The following ANXA6 variants were observed in gnomAD, a reference collection of about 807,000 sequenced individuals.
The protein encoded by ANXA6 is annexin A6.
A neutral mutation model predicts 95.4 loss-of-function variants in ANXA6; 71 were observed. The ratio of observed to expected loss-of-function variants is 0.74; its 90% CI spans 0.61 to 0.91. ANXA6 has a LOEUF of 0.91. ANXA6 is among the 40% of genes least tolerant of loss of function. The pLI is 0.00. For synonymous variants in ANXA6, 289 were observed against 315.9 expected, an observed-to-expected ratio of 0.91 and a Z score of 0.90; for missense variants, 830 against 876.4, an observed-to-expected ratio of 0.95 and a Z score of 0.67.
chr5:151,154,109 C>T (rs1328595384), intron 1 of ANXA6, among the ~76,000 whole-genome samples: 1 of 151,912 alleles, frequency 6.6e-6, no homozygotes, highest in African/African-American at 2.4e-5. Context: ...GAGGTTAAGT[C>T]ACTTACCCAA....
intron 24 of ANXA6, 110 bp from the exon 25 acceptor site, chr5:151,103,802 AGGG>A: frequency 7.6e-7 from 1 of 1,310,020 alleles, no homozygotes. Flanking sequence ...TTCCAAAAAC[AGGG>A]CGGATGTTCC....
At chr5:151,138,932 A>G in intron 4 of ANXA6, 141 bp from the exon 5 acceptor site, 1 of 657,574 alleles carries the variant, frequency 1.5e-6, no homozygotes, top group East Asian at 2.7e-5. Context: ...GGAGGTATGT[A>G]CTGTTACCAA....
rs192345606 is a variant in ANXA6 at position 151,138,703 on chromosome 5, G to C, written c.293C>G (p.Ala98Gly). The change falls in exon 5 of 26, where the codon GCC (alanine) becomes GGC (glycine). Residue 98 changes from alanine to glycine, a missense_variant. By Grantham distance (60) the Ala-to-Gly change is moderately conservative (BLOSUM62 0). Transcript: ENST00000354546. The part of the protein sequence containing the change: ...GLMRPPAYCD[A>G]KEIKDAISGI... Reference sequence around the variant, plus strand: ...CGAGATGGCATCTTTAATTTCTTTGGCATCACAATAGGCAGGTGGCCTCAT... The same window carrying C: ...CGAGATGGCATCTTTAATTTCTTTGCCATCACAATAGGCAGGTGGCCTCAT... 2 of 1,613,462 alleles carry C rather than the reference G, an allele frequency of 1.2e-6. No homozygotes were observed. The highest frequency in any genetic ancestry group is 3.3e-5 in the Admixed American group (2 of 59,982).
At chr5:151,108,965 C>A (rs887441959) in intron 22 of ANXA6, among the ~76,000 whole-genome samples, 1 of 152,206 alleles carries the variant, frequency 6.6e-6, no homozygotes, top group African/African-American at 2.4e-5. Flanking sequence ...AATGATAACA[C>A]TCAGGAAACA....
At chr5:151,136,560 C>A (rs924970233) in intron 6 of ANXA6, among the ~76,000 whole-genome samples, 6 of 152,230 alleles carry the variant, frequency 3.9e-5, no homozygotes, top group Non-Finnish European at 5.9e-5. Flanking sequence ...TATACCATGA[C>A]GGCCCACCTG....
intron 13 of ANXA6, among the ~76,000 whole-genome samples, 163 bp downstream of exon 13, chr5:151,128,018 A>G (rs1164542590): frequency 6.6e-6 from 1 of 152,086 alleles, no homozygotes; most frequent in Non-Finnish European, 1.5e-5. Flanking sequence ...CAGACCCACA[A>G]GCACAGCAGC....
At position 151,124,326 on chromosome 5, in the gene ANXA6, G is replaced by A. The variant is rs550907524; in HGVS notation, c.1098C>T (p.Asp366=). 1.7e-5 allele frequency: 28 copies of A among 1,613,458 alleles called. 1 individual carries two copies. The highest frequency in any genetic ancestry group is 1.6e-4 in the Middle Eastern group (1 of 6,062). The change falls in exon 15 of 26, where the codon GAC becomes GAT. Residue 366 remains aspartate (D), a synonymous_variant. Transcript: ENST00000354546. The part of the protein sequence containing the change: ...TVRPANDFNP[D]ADAKALRKAM... ...CTTTCCGCAGCGCTTTGGCATCTGCGTCAGGGTTGAAGTCATTGGCTGGGC... is the reference window on the plus strand; with the variant it reads ...CTTTCCGCAGCGCTTTGGCATCTGCATCAGGGTTGAAGTCATTGGCTGGGC...
At chr5:151,140,605 T>TATATATATATATATATATA (rs1561583202) in intron 2 of ANXA6, 2 of 144,322 alleles carry the variant, frequency 1.4e-5, no homozygotes, top group African/African-American at 5.2e-5. Context: ...TATATATATA[T>TATATATATATATATATATA]TTTAAGAGAT....
intron 13 of ANXA6, among the ~76,000 whole-genome samples, chr5:151,127,372 A>G (rs1016133948): frequency 1.3e-5 from 2 of 152,258 alleles, no homozygotes; most frequent in African/African-American, 2.4e-5. Flanking sequence ...AATCTGGTCA[A>G]GTAATGTCCC....
chr5:151,140,594 A>ATATATATATATATATATATT (rs201589041), intron 2 of ANXA6: 150 of 141,624 alleles, frequency 1.1e-3, no homozygotes, highest in Admixed American at 3.4e-3. Flanking sequence ...ATATATATAT[A>ATATATATATATATATATATT]TATATATATA....
At position 151,101,035 on chromosome 5, in the gene ANXA6, A is replaced by G; in HGVS notation, c.*413T>C. On this transcript the variant is annotated 3_prime_UTR_variant, in exon 26 of 26. Coordinates refer to ENST00000354546, the MANE Select transcript of ANXA6 (RefSeq NM_001155.5). ...CCCCAGCACATTTACTATCCTTCCC[A>G]CCACCCCGCCCAGCACATTCAACTG... is the stretch of plus-strand genomic sequence containing the variant. The G allele has an allele frequency of 2.1e-6, 1 of 466,246 alleles. No homozygotes were observed. The highest frequency in any genetic ancestry group is 1.5e-5 in the South Asian group (1 of 64,642). 28.9% of individuals were successfully genotyped at this position (466,246 alleles called of 1,614,324 possible).
Position 151,123,024 on chromosome 5 carries a change from A to G in ANXA6, c.1139-13T>C. On this transcript the variant is annotated splice_polypyrimidine_tract_variant and intron_variant, in intron 15 of 25. Transcript: ENST00000354546. ...TCTTCGTCAGTCCCTGAGTCACCAA[A>G]GCCACATGCCTCAGAAGAAGGCCTG... 6.2e-7 allele frequency: 1 copy of G among 1,611,388 alleles called. No homozygotes were observed. The highest frequency in any genetic ancestry group is 8.5e-7 in the Non-Finnish European group (1 of 1,178,524).
rs1214099192 is a variant in ANXA6 at position 151,134,474 on chromosome 5, C to T, written c.499G>A (p.Glu167Lys). 1 of 1,614,034 alleles carries T rather than the reference C, an allele frequency of 6.2e-7. No homozygotes were observed. The highest frequency in any genetic ancestry group is 1.7e-5 in the Admixed American group (1 of 60,026). The change falls in exon 8 of 26, where the codon GAG becomes AAG. Residue 167 changes from glutamate (E) to lysine (K), a missense_variant. Physicochemically the swap from Glu to Lys is moderately conservative, Grantham distance 56. Transcript: ENST00000354546. ...TCCTCGCTCACTACGTCATCCTCCT[C>T]CCTGGTTCCCTGGGCAGAAAGACAA... ...MLVVLLQGTR[E>K]EDDVVSEDLV...
chr5:151,125,279 T>G lies in ANXA6; in HGVS notation c.1057-912A>C, dbSNP rs1175969101. The stretch of plus-strand genomic sequence containing the variant: ...GAAGGATCACCTGAGCCTGGGGAGG[T>G]GGCAGTGAGCCATGATCATGCCACT... On this transcript the variant is annotated intron_variant, in intron 14 of 25. Coordinates refer to ENST00000354546, the MANE Select transcript of ANXA6 (RefSeq NM_001155.5). Among the ~76,000 whole-genome samples the G allele has an allele frequency of 2.9e-4, 39 of 134,898 alleles. No individual in the cohort carries two copies. In the Middle Eastern group the frequency reaches 0.012, roughly 42 times the overall value. The allele number at this position is 134,898 out of a possible 152,430, so 88.5% of individuals were successfully genotyped here. A position where few individuals can be genotyped will look rare whatever the true frequency, so the allele number is the denominator to read the frequency against.
At chr5:151,131,919 A>G (rs982987580) in intron 10 of ANXA6, among the ~76,000 whole-genome samples, 13 of 152,200 alleles carry the variant, frequency 8.5e-5, no homozygotes, top group African/African-American at 3.1e-4. Context: ...ACTGAGGTCC[A>G]GCAAGCAGAA....
At chr5:151,105,118 A>G (rs1373629998) in intron 24 of ANXA6, 127 bp downstream of exon 24, 9 of 913,156 alleles carry the variant, frequency 9.9e-6, no homozygotes, top group Non-Finnish European at 5.3e-6. Context: ...GGCAGATGCT[A>G]ATAAATGTCA....
intron 13 of ANXA6, among the ~76,000 whole-genome samples, chr5:151,126,826 C>T (rs919129228): frequency 1.3e-5 from 2 of 152,214 alleles, no homozygotes; most frequent in African/African-American, 4.8e-5. Context: ...AAGCGATTCT[C>T]CTGCCTCAGT....
chr5:151,136,228 A>C (rs1284998602), intron 7 of ANXA6, 28 bp downstream of exon 7: 1 of 1,611,624 alleles, frequency 6.2e-7, no homozygotes, highest in South Asian at 1.1e-5. Flanking sequence ...CCCAAGCTCC[A>C]GAGGAAAAAA....
intron 14 of ANXA6, among the ~76,000 whole-genome samples, chr5:151,125,745 T>C (rs1284161518): frequency 1.3e-5 from 2 of 152,186 alleles, no homozygotes; most frequent in East Asian, 3.8e-4. Context: ...CAAAGATCTC[T>C]TGCCTTATCA....
Sources: allele counts gnomAD v4.1 joint callset (sites outside exome capture counted in the v4.1 genomes callset), GRCh38; gene constraint gnomAD v4.1.1; transcripts MANE v1.5; gene names NCBI Gene and HGNC (gene_info 2026-07-23, HGNC 2026-07-21).